Variants in EPRS1 observed in about 807,000 individuals in gnomAD.
The protein encoded by EPRS1 is glutamyl-prolyl-tRNA synthetase 1.
EPRS1 carries 107 observed loss-of-function variants against 188.3 expected under a neutral mutation model. That is an observed-to-expected ratio of 0.57 (90% CI 0.49 to 0.67). EPRS1 has a LOEUF of 0.67. Ranked by LOEUF, EPRS1 falls within the 30% of genes least tolerant of loss-of-function variation. EPRS1 has a pLI of 0.00. For synonymous variants in EPRS1, 596 were observed against 593.1 expected (o/e 1.00, Z -0.07); for missense variants, 1,577 against 1,802.2 (o/e 0.88, Z 2.26).
At chr1:220,000,429 TTC>T (rs1477481390) in intron 17 of EPRS1, among the ~76,000 whole-genome samples, 2 of 152,246 alleles carry the variant, frequency 1.3e-5, no homozygotes, top group Non-Finnish European at 2.9e-5. Flanking sequence ...TTCGCTCTCA[TTC>T]TCTCATGACT....
chr1:220,015,058 A>G (rs1388415103), intron 12 of EPRS1, among the ~76,000 whole-genome samples: 4 of 152,230 alleles, frequency 2.6e-5, no homozygotes, highest in Admixed American at 6.5e-5. Flanking sequence ...GTGATAAACT[A>G]AAAGACAAGA....
At chr1:220,010,054 C>T (rs1365746104) in intron 13 of EPRS1, among the ~76,000 whole-genome samples, 2 of 142,348 alleles carry the variant, frequency 1.4e-5, no homozygotes, top group Non-Finnish European at 3.0e-5. Flanking sequence ...CAGAATCATG[C>T]CACTGCACTC....
At chr1:219,987,510 A>G in intron 19 of EPRS1, 106 bp from the exon 20 acceptor site, 2 of 942,134 alleles carry the variant, frequency 2.1e-6, no homozygotes, top group Non-Finnish European at 1.6e-6. Context: ...TTTTCCGCCA[A>G]TATCACACGG....
chr1:220,019,077 T>A lies in EPRS1; in HGVS notation c.1352A>T (p.Asp451Val). 1 of 1,607,804 alleles carries A rather than the reference T, an allele frequency of 6.2e-7. No individual in the cohort carries two copies. The highest frequency in any genetic ancestry group is 8.5e-7 in the Non-Finnish European group (1 of 1,174,462). ...ACGAACCGTAGGAAATCTTGGGTCA[T>A]CCCTGGAAATATGTAAATTTTAAGT... is the stretch of plus-strand genomic sequence containing the variant. ...FVNEGLVDGW[D>V]DPRFPTVRGV... The change falls in exon 11 of 32, where the codon GAT (aspartate) becomes GTT (valine). Residue 451 changes from aspartate to valine, a missense_variant and splice_region_variant. Physicochemically the swap from Asp to Val is radical, Grantham distance 152. Around this residue, in one of 3 missense-constraint regions of EPRS1, gnomAD observed 1,278 missense variants for 1,457.4 expected, o/e 0.88. Coordinates refer to ENST00000366923, the MANE Select transcript of EPRS1 (RefSeq NM_004446.3).
At chr1:220,005,951 T>C (rs1168076940) in intron 15 of EPRS1, among the ~76,000 whole-genome samples, 155 bp downstream of exon 15, 1 of 150,844 alleles carries the variant, frequency 6.6e-6, no homozygotes, top group East Asian at 2.0e-4. Context: ...ATTACAGGCA[T>C]GAGCCACCAT....
rs532274548 is a variant in EPRS1, at chr1:219,995,238, T to A, written c.2541+1745A>T. 1.4e-4 allele frequency among the ~76,000 whole-genome samples: 21 copies of A among 152,326 alleles called. No homozygotes were observed. In the South Asian group the frequency reaches 4.1e-3, roughly 30 times the overall value. On this transcript the variant is annotated intron_variant, in intron 18 of 31. Coordinates refer to ENST00000366923, the MANE Select transcript of EPRS1 (RefSeq NM_004446.3). ...ACTTTTCATAACCTCAACAGTGATATTTTATGAAAGCATGATGTAACCCAT... is the reference window on the plus strand; with the variant it reads ...ACTTTTCATAACCTCAACAGTGATAATTTATGAAAGCATGATGTAACCCAT...
In EPRS1 at chr1:219,980,220, T is replaced by C. The variant is rs1660869201; in HGVS notation, c.3576A>G (p.Leu1192=). ...AAEEVLQILD[L]YAQVYEELLA... is the part of the protein sequence containing the mutation. ...GGAGTTCTTCATATACCTGAGCATA[T>C]AAGTCAAGTATCTGCAAGACCTGTA... The change falls in exon 26 of 32, where the codon TTA becomes TTG. Residue 1192 remains leucine (L), a synonymous_variant. Coordinates refer to ENST00000366923, the MANE Select transcript of EPRS1 (RefSeq NM_004446.3). The C allele has an allele frequency of 6.2e-7, 1 of 1,612,292 alleles. No individual in the cohort carries two copies. The highest frequency in any genetic ancestry group is 1.1e-5 in the South Asian group (1 of 90,998).
chr1:220,039,189 T>C (rs990671084), intron 2 of EPRS1, among the ~76,000 whole-genome samples: 13 of 152,172 alleles, frequency 8.5e-5, no homozygotes, highest in African/African-American at 3.1e-4. Context: ...TGTCTGAAAC[T>C]TCCCTAGAAG....
intron 30 of EPRS1, 163 bp from the exon 31 acceptor site, chr1:219,969,285 A>G: frequency 3.3e-6 from 2 of 610,544 alleles, no homozygotes; most frequent in Admixed American, 5.9e-5. Flanking sequence ...AACTTTGCTC[A>G]GTTATAAAAG....
chr1:219,976,800 A>G (rs541799221), intron 28 of EPRS1, among the ~76,000 whole-genome samples: 3 of 152,328 alleles, frequency 2.0e-5, no homozygotes, highest in African/African-American at 7.2e-5. Flanking sequence ...CAAATCATGG[A>G]GGAGGCAAAT....
chr1:219,997,969 CTATT>C (rs943614962), intron 17 of EPRS1, among the ~76,000 whole-genome samples: 3 of 152,052 alleles, frequency 2.0e-5, no homozygotes, highest in African/African-American at 7.2e-5. Flanking sequence ...TTACAGGTAT[CTATT>C]TGTGTATAAA....
At chr1:219,990,037 T>C (rs780840449) in intron 18 of EPRS1, among the ~76,000 whole-genome samples, 1 of 151,750 alleles carries the variant, frequency 6.6e-6, no homozygotes, top group Non-Finnish European at 1.5e-5. Flanking sequence ...AATGACTATT[T>C]GATGACTATT....
intron 29 of EPRS1, 45 bp from the exon 30 acceptor site, chr1:219,972,192 T>C: frequency 8.0e-7 from 1 of 1,249,632 alleles, no homozygotes; most frequent in Non-Finnish European, 1.1e-6. Context: ...TTCTCACAAA[T>C]ATGACAAAGT....
At chr1:219,969,653 G>GAAA (rs71560594) in intron 30 of EPRS1, among the ~76,000 whole-genome samples, 127 of 141,832 alleles carry the variant, frequency 9.0e-4, no homozygotes, top group African/African-American at 9.6e-4. Context: ...TTTGTGTAAG[G>GAAA]AAAAAAAAAA....
chr1:220,031,036 G>A (rs1387515007), intron 5 of EPRS1, among the ~76,000 whole-genome samples: 2 of 151,024 alleles, frequency 1.3e-5, no homozygotes, highest in Admixed American at 1.3e-4. Context: ...AGGCTGCAGT[G>A]AGCCGAGATC....
intron 15 of EPRS1, 143 bp from the exon 16 acceptor site, chr1:220,005,503 T>C: frequency 2.1e-6 from 1 of 480,540 alleles, no homozygotes; most frequent in Non-Finnish European, 3.6e-6. Flanking sequence ...GGACACACAA[T>C]GAAACGGTGA....
intron 17 of EPRS1, among the ~76,000 whole-genome samples, chr1:219,998,697 C>T (rs367969583): frequency 9.9e-5 from 15 of 151,890 alleles, no homozygotes; most frequent in Admixed American, 2.6e-4. Context: ...CCTGCACCAC[C>T]ACACCCAGCT....
intron 6 of EPRS1, among the ~76,000 whole-genome samples, chr1:220,029,001 A>T (rs1662037994): frequency 1.3e-5 from 2 of 152,204 alleles, no homozygotes; most frequent in Admixed American, 1.3e-4. Flanking sequence ...TATACTGTAA[A>T]TATACAAACA....
At chr1:220,014,986 G>A (rs1364002848) in intron 12 of EPRS1, among the ~76,000 whole-genome samples, 2 of 152,086 alleles carry the variant, frequency 1.3e-5, no homozygotes, top group Non-Finnish European at 2.9e-5. Flanking sequence ...AGAAACACTG[G>A]AACTATAGTA....
Sources: allele counts gnomAD v4.1 joint callset (sites outside exome capture counted in the v4.1 genomes callset), GRCh38; gene constraint gnomAD v4.1.1; regional missense constraint gnomAD v4.1.1; transcripts MANE v1.5; gene names NCBI Gene and HGNC (gene_info 2026-07-23, HGNC 2026-07-21).